MYLK: variants seen among roughly 807,000 people sequenced by gnomAD.
MYLK encodes myosin light chain kinase, also known as myosin light chain kinase, smooth muscle.
In MYLK, 106 loss-of-function variants were observed where a neutral mutation model predicts 203.4. That is an observed-to-expected ratio of 0.52 (90% CI 0.45 to 0.61). MYLK has a LOEUF of 0.61. MYLK is among the 20% of genes least tolerant of loss of function. MYLK has a pLI of 0.00. For missense variants in MYLK, 2,072 were observed against 2,442.3 expected (o/e 0.85, Z 3.20); for synonymous variants, 867 against 959.5 (o/e 0.90, Z 1.78).
chr3:123,807,982 G>T (rs1018697390), intron 3 of MYLK, among the ~76,000 whole-genome samples: 67 of 152,328 alleles, frequency 4.4e-4, no homozygotes, highest in African/African-American at 1.6e-3. Context: ...CTCCTCCCCA[G>T]ACAGCCTCCA....
At chr3:123,833,483 C>G (rs892674261) in intron 2 of MYLK, among the ~76,000 whole-genome samples, 38 of 151,052 alleles carry the variant, frequency 2.5e-4, no homozygotes, top group African/African-American at 8.1e-4. Flanking sequence ...GCCAGAGGAG[C>G]CTCCAAACCT....
At chr3:123,791,456 A>G (rs1346460065) in intron 4 of MYLK, among the ~76,000 whole-genome samples, 4 of 152,150 alleles carry the variant, frequency 2.6e-5, no homozygotes. Flanking sequence ...TGTTTCCTAC[A>G]CTAACAATAC....
chr3:123,663,939 G>A (rs754356038), intron 23 of MYLK, among the ~76,000 whole-genome samples, 166 bp downstream of exon 23: 3 of 152,164 alleles, frequency 2.0e-5, no homozygotes, highest in Non-Finnish European at 2.9e-5. Flanking sequence ...GGTCTAGCAG[G>A]GAGTCTGTGG....
chr3:123,835,181 T>C (rs1260736900), intron 2 of MYLK, among the ~76,000 whole-genome samples: 3 of 152,234 alleles, frequency 2.0e-5, no homozygotes, highest in African/African-American at 4.8e-5. Context: ...TATTGGGTCC[T>C]ACCCCAGACC....
At chr3:123,632,573 T>G (rs1046221388) in intron 29 of MYLK, among the ~76,000 whole-genome samples, 10 of 152,106 alleles carry the variant, frequency 6.6e-5, no homozygotes, top group African/African-American at 2.4e-4. Context: ...TCTGAAATAC[T>G]CTCCTCACCC....
intron 29 of MYLK, among the ~76,000 whole-genome samples, chr3:123,631,485 A>C (rs1576370244): frequency 6.6e-6 from 1 of 152,076 alleles, no homozygotes; most frequent in Admixed American, 6.5e-5. Context: ...CTTCTCCCAA[A>C]TGCTTATGAA....
intron 33 of MYLK, chr3:123,616,880 A>C (rs910571076): frequency 6.6e-6 from 1 of 152,176 alleles, no homozygotes; most frequent in African/African-American, 2.4e-5. Context: ...TTTTCTTTAT[A>C]AATTTTCCAG....
At position 123,613,873 on chromosome 3, in the gene MYLK, A is replaced by G; in HGVS notation, c.*232T>C. ...AGTCAAGTTACTGGTGATTTCCCTAAATGAAATCTAGCTGCACTAGTATCT... is the reference window on the plus strand; with the variant it reads ...AGTCAAGTTACTGGTGATTTCCCTAGATGAAATCTAGCTGCACTAGTATCT... On this transcript the variant is annotated 3_prime_UTR_variant, in exon 34 of 34. Coordinates refer to ENST00000360304, the MANE Select transcript of MYLK (RefSeq NM_053025.4). 1.8e-6 allele frequency: 1 copy of G among 553,848 alleles called. No individual in the cohort carries two copies. The highest frequency in any genetic ancestry group is 3.2e-6 in the Non-Finnish European group (1 of 310,038). The allele number at this position is 553,848 out of a possible 1,614,324, so 34.3% of individuals were successfully genotyped here. A position where few individuals can be genotyped will look rare whatever the true frequency, so the allele number is the denominator to read the frequency against.
intron 4 of MYLK, among the ~76,000 whole-genome samples, chr3:123,764,253 C>T (rs2063629660): frequency 1.3e-5 from 2 of 152,132 alleles, no homozygotes; most frequent in Admixed American, 1.3e-4. Flanking sequence ...ACAGAGGATT[C>T]CCTTGGACAT....
intron 12 of MYLK, 149 bp from the exon 13 acceptor site, chr3:123,722,429 C>T: frequency 9.8e-7 from 1 of 1,024,080 alleles, no homozygotes; most frequent in Non-Finnish European, 1.5e-6. Context: ...CCATGCACAT[C>T]TCCAGCCAGC....
chr3:123,655,103 T>C (rs1452503830), intron 24 of MYLK, among the ~76,000 whole-genome samples: 4 of 152,200 alleles, frequency 2.6e-5, no homozygotes, highest in Non-Finnish European at 5.9e-5. Flanking sequence ...CCTCTCTTTC[T>C]TCCATTTATT....
chr3:123,670,872 G>T (rs537810024), intron 20 of MYLK, among the ~76,000 whole-genome samples: 5 of 152,348 alleles, frequency 3.3e-5, no homozygotes, highest in African/African-American at 1.2e-4. Flanking sequence ...CATCACAGAG[G>T]GTTCTGTTAG....
intron 20 of MYLK, chr3:123,681,949 T>C (rs1421281622): frequency 8.2e-6 from 4 of 488,504 alleles, no homozygotes; most frequent in South Asian, 2.1e-5. Context: ...ATGAAGGAGG[T>C]TGGGCAGGGG....
intron 19 of MYLK, among the ~76,000 whole-genome samples, chr3:123,687,752 G>A (rs1048281826): frequency 1.5e-4 from 23 of 151,514 alleles, no homozygotes; most frequent in Admixed American, 1.3e-3. Flanking sequence ...GCTCACTGTA[G>A]CCTCAACCTC....
At chr3:123,874,713 C>A (rs781383648) in intron 2 of MYLK, among the ~76,000 whole-genome samples, 2 of 151,936 alleles carry the variant, frequency 1.3e-5, no homozygotes, top group South Asian at 2.1e-4. Context: ...CTACAGGCAG[C>A]GAGAAAATAT....
intron 33 of MYLK, chr3:123,617,144 T>C (rs2057546391): frequency 6.6e-6 from 1 of 152,232 alleles, no homozygotes; most frequent in Non-Finnish European, 1.5e-5. Context: ...ATTTTGTTTT[T>C]ATCAAAACAG....
intron 11 of MYLK, among the ~76,000 whole-genome samples, chr3:123,728,862 G>A (rs968796014): frequency 2.0e-5 from 3 of 152,134 alleles, no homozygotes; most frequent in African/African-American, 2.4e-5. Flanking sequence ...TGTTTAATCC[G>A]ACTCAAAGTT....
At position 123,787,567 on chromosome 3, in the gene MYLK, G is replaced by A. The variant is rs575129732; in HGVS notation, c.165+6110C>T. Among the ~76,000 whole-genome samples, 7 of 152,260 alleles carry A rather than the reference G, an allele frequency of 4.6e-5. No homozygotes were observed. The East Asian group carries it at 5.8e-4, about 13-fold the overall frequency. ...AAGATGGACAAGAAACGGTCATCGC[G>A]TTCAAGGAACCAGATGAGACATGTG... On this transcript the variant is annotated intron_variant, in intron 4 of 33. Transcript: ENST00000360304.
intron 14 of MYLK, 138 bp from the exon 15 acceptor site, chr3:123,709,033 G>A: frequency 1.4e-6 from 1 of 727,814 alleles, no homozygotes; most frequent in South Asian, 1.9e-5. Flanking sequence ...CAGTAAAATA[G>A]GAATTCAAAC....
Sources: gnomAD v4.1 joint callset for allele counts (sites outside exome capture counted in the v4.1 genomes callset) on GRCh38, gnomAD v4.1.1 for gene constraint, MANE v1.5 for transcripts, NCBI Gene and HGNC (gene_info 2026-07-23, HGNC 2026-07-21) for gene names.